Variants in PDE11A observed in about 807,000 individuals in gnomAD.
The protein encoded by PDE11A is dual 3',5'-cyclic-AMP and -GMP phosphodiesterase 11A.
PDE11A carries 100 observed loss-of-function variants against 100.5 expected under a neutral mutation model. That is an observed-to-expected ratio of 1.00 (90% CI 0.85 to 1.18). The LOEUF (loss-of-function observed/expected upper bound fraction) is 1.18, where lower values mean the gene tolerates loss of function less well. PDE11A is among the 50% of genes most tolerant of loss of function. PDE11A has a pLI of 0.00. For synonymous variants in PDE11A, 381 were observed against 420.8 expected, an observed-to-expected ratio of 0.91 and a Z score of 1.16; for missense variants, 1,141 against 1,152.6, an observed-to-expected ratio of 0.99 and a Z score of 0.15.
intron 1 of PDE11A, among the ~76,000 whole-genome samples, chr2:178,067,999 A>T (rs1164561048): frequency 6.6e-6 from 1 of 152,222 alleles, no homozygotes; most frequent in Admixed American, 6.5e-5. Flanking sequence ...TATTATCATT[A>T]TCAACACTGA....
intron 10 of PDE11A, among the ~76,000 whole-genome samples, chr2:177,763,744 G>C (rs925032568): frequency 1.3e-5 from 2 of 152,240 alleles, no homozygotes; most frequent in African/African-American, 4.8e-5. Flanking sequence ...AGTGCACTCC[G>C]CCTCTGCAAG....
At chr2:177,807,686 A>T (rs529722714) in intron 9 of PDE11A, among the ~76,000 whole-genome samples, 264 of 152,326 alleles carry the variant, frequency 1.7e-3, no homozygotes, top group African/African-American at 6.0e-3. Flanking sequence ...TTGGCCTCCC[A>T]AAGTGCTGGG....
chr2:177,922,676 C>T, intron 2 of PDE11A: 1 of 984,626 alleles, frequency 1.0e-6, no homozygotes, highest in Non-Finnish European at 1.2e-6. Flanking sequence ...CATCACTTCC[C>T]ACTCCCTCAC....
intron 2 of PDE11A, among the ~76,000 whole-genome samples, chr2:178,090,055 T>C (rs2087402587): frequency 6.6e-6 from 1 of 152,228 alleles, no homozygotes; most frequent in Admixed American, 6.5e-5. Context: ...ACCTTCCAAA[T>C]GCAAAAGTTT....
At chr2:177,939,768 G>A (rs2085324656) in intron 2 of PDE11A, among the ~76,000 whole-genome samples, 1 of 152,152 alleles carries the variant, frequency 6.6e-6, no homozygotes, top group South Asian at 2.1e-4. Flanking sequence ...GCTAACACAG[G>A]AAAAGTCCTA....
rs377387688 is a variant in PDE11A at position 177,773,830 on chromosome 2, C to T, written c.1738-4457G>A. On this transcript the variant is annotated intron_variant, in intron 9 of 19. Transcript: ENST00000286063. Reference sequence around the variant, plus strand: ...AGTACATTGTTCTGAAGGACTGGGCCCTATTGCTAAACCACAGTCCAGGAA... The same window carrying T: ...AGTACATTGTTCTGAAGGACTGGGCTCTATTGCTAAACCACAGTCCAGGAA... Among the ~76,000 whole-genome samples, 176 of 152,238 alleles carry T rather than the reference C, an allele frequency of 1.2e-3. 2 individuals are homozygous for T. Among genetic ancestry groups the T allele is most frequent in the African/African-American group, 3.9e-3 (160 of 41,548 alleles).
chr2:177,833,732 A>T (rs2105609431), intron 6 of PDE11A, among the ~76,000 whole-genome samples: 1 of 152,370 alleles, frequency 6.6e-6, no homozygotes, highest in Non-Finnish European at 1.5e-5. Flanking sequence ...GTCAGTAAAA[A>T]GAATTCATTG....
intron 1 of PDE11A, among the ~76,000 whole-genome samples, chr2:178,054,813 A>T (rs993752632): frequency 5.9e-5 from 9 of 152,236 alleles, no homozygotes; most frequent in African/African-American, 2.2e-4. Flanking sequence ...ATCTCACACC[A>T]GTTAGAATGG....
chr2:177,810,405 G>A (rs906534139), intron 9 of PDE11A, among the ~76,000 whole-genome samples: 3 of 152,144 alleles, frequency 2.0e-5, no homozygotes, highest in African/African-American at 7.2e-5. Context: ...TACAATTAAT[G>A]ACAATGTAGG....
At chr2:177,748,519 T>G (rs2081984656) in intron 10 of PDE11A, among the ~76,000 whole-genome samples, 1 of 152,202 alleles carries the variant, frequency 6.6e-6, no homozygotes, top group Non-Finnish European at 1.5e-5. Context: ...CTCTGCCTCC[T>G]AGCAACAGTG....
chr2:177,915,942 TAC>T (rs1443660483), intron 2 of PDE11A, among the ~76,000 whole-genome samples: 2 of 152,206 alleles, frequency 1.3e-5, no homozygotes, highest in Non-Finnish European at 2.9e-5. Context: ...TCATTTTGCT[TAC>T]AGTTTTGCAG....
rs200222918 is a variant in PDE11A, at chr2:178,052,614, T to C, written c.912+18912A>G. Reference sequence around the variant, plus strand: ...AAGATCAACAAAATTGATAGACTGCTAGCAAGACTAATAAAGAAGAAAAGA... The same window carrying C: ...AAGATCAACAAAATTGATAGACTGCCAGCAAGACTAATAAAGAAGAAAAGA... On this transcript the variant is annotated intron_variant, in intron 1 of 19. Coordinates refer to ENST00000286063, the MANE Select transcript of PDE11A (RefSeq NM_016953.4). 1.3e-3 allele frequency among the ~76,000 whole-genome samples: 196 copies of C among 152,150 alleles called. 3 individuals are homozygous for C. The East Asian group carries it at 0.034, about 27-fold the overall frequency.
intron 5 of PDE11A, among the ~76,000 whole-genome samples, chr2:177,875,421 A>T (rs2084216713): frequency 6.6e-6 from 1 of 151,874 alleles, no homozygotes; most frequent in South Asian, 2.1e-4. Context: ...TCTGTCACCC[A>T]GGCTGGAGTG....
chr2:177,860,972 C>T (rs2083935196), intron 5 of PDE11A, among the ~76,000 whole-genome samples: 1 of 151,726 alleles, frequency 6.6e-6, no homozygotes, highest in Non-Finnish European at 1.5e-5. Flanking sequence ...ACAAAAAATG[C>T]ACAGCTAACA....
intron 12 of PDE11A, among the ~76,000 whole-genome samples, chr2:177,720,470 A>G (rs2081510374): frequency 6.6e-6 from 1 of 152,144 alleles, no homozygotes; most frequent in African/African-American, 2.4e-5. Flanking sequence ...TATAGCATCT[A>G]GATTTAGTGG....
At chr2:177,758,221 C>G (rs548307258) in intron 10 of PDE11A, among the ~76,000 whole-genome samples, 5 of 145,922 alleles carry the variant, frequency 3.4e-5, no homozygotes, top group Admixed American at 2.1e-4. Flanking sequence ...AGCATGAACC[C>G]GGGATGCGGA....
At position 177,629,305 on chromosome 2, in the gene PDE11A, T is replaced by C. The variant is rs542155679; in HGVS notation, c.*102A>G. 3 of 1,020,780 alleles carry C rather than the reference T, an allele frequency of 2.9e-6. No individual in the cohort carries two copies. Among genetic ancestry groups the C allele is most frequent in the African/African-American group, 3.1e-5 (2 of 63,918 alleles). The allele number at this position is 1,020,780 out of a possible 1,614,324, so 63.2% of individuals were successfully genotyped here. On this transcript the variant is annotated 3_prime_UTR_variant, in exon 20 of 20. Transcript: ENST00000286063. Reference sequence around the variant, plus strand: ...CATGCTTCCCAGTGCATCCTTGAGATGTTAGGTCTTTCTGAGCTAAAAGAA... The same window carrying C: ...CATGCTTCCCAGTGCATCCTTGAGACGTTAGGTCTTTCTGAGCTAAAAGAA...
At chr2:178,052,239 T>A (rs2086838191) in intron 1 of PDE11A, among the ~76,000 whole-genome samples, 1 of 152,310 alleles carries the variant, frequency 6.6e-6, no homozygotes, top group East Asian at 1.9e-4. Context: ...ACATGGAAAC[T>A]GAACAACCTG....
Position 178,099,392 on chromosome 2 carries a change from C to G in PDE11A, c.162+4910G>C, listed in dbSNP as rs923072976. Reference sequence around the variant, plus strand: ...TGCAGTGGTAGCAGTGAGCCGAGATCACAACACTGTACTCCAGCCTGGGTG... The same window carrying G: ...TGCAGTGGTAGCAGTGAGCCGAGATGACAACACTGTACTCCAGCCTGGGTG... On this transcript the variant is annotated intron_variant, in intron 2 of 20. Transcript: ENST00000358450. Among the ~76,000 whole-genome samples, 3 of 140,796 alleles carry G rather than the reference C, an allele frequency of 2.1e-5. No homozygotes were observed. The East Asian group carries it at 6.8e-4, about 32-fold the overall frequency. The allele number at this position is 140,796 out of a possible 152,430, so 92.4% of individuals were successfully genotyped here. A position where few individuals can be genotyped will look rare whatever the true frequency, so the allele number is the denominator to read the frequency against.
Sources: gnomAD v4.1 joint callset for allele counts (sites outside exome capture counted in the v4.1 genomes callset) on GRCh38, gnomAD v4.1.1 for gene constraint, MANE v1.5 for transcripts, NCBI Gene and HGNC (gene_info 2026-07-23, HGNC 2026-07-21) for gene names.